ZNF83: variants seen among roughly 807,000 people sequenced by gnomAD.
ZNF83 encodes the protein zinc finger protein 83.
For synonymous variants in ZNF83, 209 were observed against 213.0 expected (o/e 0.98, Z 0.17); for missense variants, 552 against 629.9 (o/e 0.88, Z 1.32).
chr19:52,666,518 C>A (rs1335692639), intron 1 of ZNF83, among the ~76,000 whole-genome samples: 8 of 149,720 alleles, frequency 5.3e-5, no homozygotes, highest in South Asian at 2.1e-4. Flanking sequence ...TGCATTCAAT[C>A]TGTAGTGGCA....
intron 3 of ZNF83, among the ~76,000 whole-genome samples, chr19:52,646,684 AC>A (rs1256209261): frequency 1.3e-5 from 2 of 152,200 alleles, no homozygotes; most frequent in Non-Finnish European, 2.9e-5. Flanking sequence ...GTTTGTGGTG[AC>A]CCAGTCTAAG....
intron 2 of ZNF83, among the ~76,000 whole-genome samples, chr19:52,622,740 C>T (rs1038591046): frequency 6.6e-5 from 10 of 151,928 alleles, no homozygotes; most frequent in Admixed American, 4.6e-4. Flanking sequence ...CTGTCTCATT[C>T]TCAATATGCA....
At chr19:52,613,471 A>G (rs1294064240) in exon 3 of ZNF83, 1 of 1,613,590 alleles carries the variant, frequency 6.2e-7, no homozygotes, top group Admixed American at 1.7e-5. Context: ...GGCATGAATT[A>G]TCAGATGTTG....
intron 1 of ZNF83, among the ~76,000 whole-genome samples, chr19:52,674,015 C>CA (rs67570337): frequency 0.14 from 9,966 of 71,648 alleles, 707 homozygotes; most frequent in Non-Finnish European, 0.19. Flanking sequence ...GACTCCATCT[C>CA]AAAAAAAAAA....
At chr19:52,631,198 C>T (rs1089762) in intron 2 of ZNF83, among the ~76,000 whole-genome samples, 31,752 of 150,182 alleles carry the variant, frequency 0.21, 3,914 homozygotes, top group East Asian at 0.46. Flanking sequence ...TCATCTGTTA[C>T]CTATCTCAGC....
At chr19:52,618,605 G>A (rs2060407983) in intron 2 of ZNF83, 5 of 281,900 alleles carry the variant, frequency 1.8e-5, no homozygotes, top group Non-Finnish European at 3.3e-5. Context: ...CCATGTTGGT[G>A]AGGCTAGTAT....
rs548869186 is a variant in ZNF83 at position 52,681,224 on chromosome 19, AGT to A, written c.-283+9217_-283+9218del. ...CTCGAGCCCAGGAGACGGAGGCTGC[AGT>A]GAGTTGAGATCACACCACTGCACTC... On this transcript the variant is annotated intron_variant, in intron 1 of 5. Coordinates refer to the ZNF83 transcript ENST00000594682. Among the ~76,000 whole-genome samples, 9 of 136,650 alleles carry A rather than the reference AGT, an allele frequency of 6.6e-5. No individual in the cohort carries two copies. The South Asian group carries it at 2.3e-3, about 34-fold the overall frequency. 89.6% of individuals were successfully genotyped at this position (136,650 alleles called of 152,430 possible).
intron 3 of ZNF83, chr19:52,652,963 C>T (rs2061462087): frequency 7.7e-7 from 1 of 1,292,910 alleles, no homozygotes; most frequent in African/African-American, 1.5e-5. Context: ...GGTCTTGCCA[C>T]ACTCATTACA....
chr19:52,654,111 A>G, intron 3 of ZNF83: 3 of 1,605,314 alleles, frequency 1.9e-6, no homozygotes, highest in Non-Finnish European at 2.6e-6. Flanking sequence ...GCAGATGTGA[A>G]TAAAAGCTTG....
chr19:52,618,830 C>G, intron 2 of ZNF83: 1 of 1,457,672 alleles, frequency 6.9e-7, no homozygotes, highest in Non-Finnish European at 9.3e-7. Context: ...AAAATCAATA[C>G]GGCTTCCATT....
chr19:52,652,270 T>A (rs681090), intron 3 of ZNF83: 2 of 237,228 alleles, frequency 8.4e-6, no homozygotes, highest in Admixed American at 5.3e-5. Flanking sequence ...ACCCTGTCTC[T>A]ACTAAAAACA....
At chr19:52,683,584 T>C (rs1691358771) in intron 1 of ZNF83, among the ~76,000 whole-genome samples, 1 of 151,180 alleles carries the variant, frequency 6.6e-6, no homozygotes, top group African/African-American at 2.4e-5. Context: ...GTGCAGAGCA[T>C]GGAAGACCTG....
intron 1 of ZNF83, among the ~76,000 whole-genome samples, chr19:52,683,282 A>G (rs8111277): frequency 1.0e-3 from 86 of 85,746 alleles, no homozygotes; most frequent in South Asian, 2.5e-3. Context: ...GTGTGTGTGT[A>G]TGCTCACGTG....
At chr19:52,616,555 C>T (rs10421152) in intron 2 of ZNF83, among the ~76,000 whole-genome samples, 62,417 of 151,910 alleles carry the variant, frequency 0.41, 13,649 homozygotes, top group African/African-American at 0.57. Context: ...TAAAAAAGAA[C>T]GAGGTTGGCA....
At chr19:52,649,411 G>A (rs1376871849) in intron 3 of ZNF83, among the ~76,000 whole-genome samples, 1 of 152,152 alleles carries the variant, frequency 6.6e-6, no homozygotes, top group African/African-American at 2.4e-5. Flanking sequence ...ATATAAGGCA[G>A]TTGATTTGCA....
intron 1 of ZNF83, among the ~76,000 whole-genome samples, chr19:52,662,821 G>C (rs1243555696): frequency 6.6e-6 from 1 of 152,064 alleles, no homozygotes; most frequent in Non-Finnish European, 1.5e-5. Context: ...TCATTCCTAT[G>C]TGATGGACTG....
intron 1 of ZNF83, among the ~76,000 whole-genome samples, chr19:52,679,076 T>G (rs760477474): frequency 6.6e-5 from 10 of 152,180 alleles, no homozygotes; most frequent in Admixed American, 1.3e-4. Context: ...ACAGGGTTGA[T>G]TCTACAACAA....
At chr19:52,639,413 CTA>C (rs71183819), upstream of ZNF83, among the ~76,000 whole-genome samples, 10 of 53,876 alleles carry the variant, frequency 1.9e-4, no homozygotes, top group African/African-American at 3.6e-4. Flanking sequence ...TTAGTTTTTT[CTA>C]TTTTTTTTTT....
chr19:52,644,425 G>A (rs1245461036), intron 3 of ZNF83, among the ~76,000 whole-genome samples: 2 of 152,126 alleles, frequency 1.3e-5, no homozygotes, highest in East Asian at 3.9e-4. Context: ...GGTCTGAGAT[G>A]AGTGAAAAGA....
Sources: allele counts gnomAD v4.1 joint callset (sites outside exome capture counted in the v4.1 genomes callset), GRCh38; gene constraint gnomAD v4.1.1; transcripts MANE v1.5; gene names NCBI Gene and HGNC (gene_info 2026-07-23, HGNC 2026-07-21).